Variants in ADAMTS5 observed in about 807,000 individuals in gnomAD.
ADAMTS5 encodes the protein ADAM metallopeptidase with thrombospondin type 1 motif 5, also known as A disintegrin and metalloproteinase with thrombospondin motifs 5.
Under a neutral mutation model 81.4 loss-of-function variants are expected in ADAMTS5, and 54 were observed. That is an observed-to-expected ratio of 0.66 (90% CI 0.53 to 0.83). ADAMTS5 has a LOEUF of 0.83. Ranked by LOEUF, ADAMTS5 falls within the 40% of genes least tolerant of loss-of-function variation. ADAMTS5 has a pLI of 0.00. For missense variants in ADAMTS5, 1,194 were observed against 1,229.9 expected (o/e 0.97, Z 0.44); for synonymous variants, 532 against 508.8 (o/e 1.05, Z -0.61).
chr21:26,962,133 A>G (rs1368317080), intron 1 of ADAMTS5, among the ~76,000 whole-genome samples: 1 of 150,952 alleles, frequency 6.6e-6, no homozygotes, highest in Admixed American at 6.6e-5. Context: ...TGCTTTCATG[A>G]AGGGGTGGAG....
intron 6 of ADAMTS5, among the ~76,000 whole-genome samples, chr21:26,930,299 T>C (rs1431935529): frequency 6.6e-6 from 1 of 152,232 alleles, no homozygotes; most frequent in Non-Finnish European, 1.5e-5. Context: ...CTCTTAACCT[T>C]ACCTCTGAAT....
chr21:26,949,121 A>G (rs1666228198), intron 2 of ADAMTS5, among the ~76,000 whole-genome samples: 1 of 150,708 alleles, frequency 6.6e-6, no homozygotes, highest in Non-Finnish European at 1.5e-5. Context: ...ACTTATGAGT[A>G]TTCTAGTAAT....
chr21:26,946,977 T>C (rs1987227707), intron 2 of ADAMTS5, among the ~76,000 whole-genome samples: 1 of 152,184 alleles, frequency 6.6e-6, no homozygotes, highest in Non-Finnish European at 1.5e-5. Context: ...CTCACTAAAA[T>C]AGGACGTGAA....
At chr21:26,963,272 T>C (rs993332971) in intron 1 of ADAMTS5, among the ~76,000 whole-genome samples, 2 of 151,958 alleles carry the variant, frequency 1.3e-5, no homozygotes, top group African/African-American at 2.4e-5. Context: ...TTTCAGACTT[T>C]GGAAAAATAG....
Position 26,965,724 on chromosome 21 carries a change from G to A in ADAMTS5, c.668C>T (p.Pro223Leu). 6.3e-7 allele frequency: 1 copy of A among 1,589,656 alleles called. No individual in the cohort carries two copies. The highest frequency in any genetic ancestry group is 8.6e-7 in the Non-Finnish European group (1 of 1,169,524). ...ASTPEAHEHA[P>L]AHSNPSGRAA... ...GCGTCCGCTCGGGTTGCTGTGCGCCGGAGCATGCTCGTGGGCCTCCGGTGT... is the reference window on the plus strand; with the variant it reads ...GCGTCCGCTCGGGTTGCTGTGCGCCAGAGCATGCTCGTGGGCCTCCGGTGT... Residue 223 changes from proline (P) to leucine (L), a missense_variant, in exon 1 of 8, where the codon CCG becomes CTG. Physicochemically the swap from Pro to Leu is moderately conservative, Grantham distance 98. Around this residue, in one of 2 missense-constraint regions of ADAMTS5, gnomAD observed 498 missense variants for 412.3 expected, o/e 1.21. Transcript: ENST00000284987.
At chr21:26,925,750 A>C (rs180858309) in intron 7 of ADAMTS5, among the ~76,000 whole-genome samples, 1 of 152,094 alleles carries the variant, frequency 6.6e-6, no homozygotes, top group Admixed American at 6.5e-5. Context: ...TGTTTCCCTT[A>C]CTCCAGAGTT....
At position 26,931,864 on chromosome 21, in the gene ADAMTS5, T is replaced by C. The variant is rs536549894; in HGVS notation, c.2049+140A>G. The C allele has an allele frequency of 8.0e-5, 55 of 688,052 alleles. No individual in the cohort carries two copies. The African/African-American group carries it at 9.8e-4, about 12-fold the overall frequency. The allele number at this position is 688,052 out of a possible 1,614,324, so 42.6% of individuals were successfully genotyped here. On this transcript the variant is annotated intron_variant, in intron 6 of 7. Coordinates refer to ENST00000284987, the MANE Select transcript of ADAMTS5 (RefSeq NM_007038.5). ...GTAAAGTTTGAAAATATAGAAGTTA[T>C]AGAGATGAAAATAAAAACCTTCCAA...
rs780372247 is a variant in ADAMTS5 at position 26,923,233 on chromosome 21, T to C, written c.*820A>G. ...TTTCCAACACAAGGAAACTAGTTTT[T>C]AGACTCTTGAGTATGATCACACACA... On this transcript the variant is annotated 3_prime_UTR_variant, in exon 8 of 8. Coordinates refer to ENST00000284987, the MANE Select transcript of ADAMTS5 (RefSeq NM_007038.5). The C allele has an allele frequency of 2.0e-5, 3 of 152,172 alleles. No homozygotes were observed. Among genetic ancestry groups the C allele is most frequent in the African/African-American group, 4.8e-5 (2 of 41,460 alleles). 9.4% of individuals were successfully genotyped at this position (152,172 alleles called of 1,614,324 possible). A position where few individuals can be genotyped will look rare whatever the true frequency, so the allele number is the denominator to read the frequency against.
intron 2 of ADAMTS5, among the ~76,000 whole-genome samples, chr21:26,945,910 A>T (rs992533624): frequency 6.6e-6 from 1 of 152,206 alleles, no homozygotes; most frequent in African/African-American, 2.4e-5. Context: ...TAAGATCTCC[A>T]AAAGTCAGGC....
intron 2 of ADAMTS5, among the ~76,000 whole-genome samples, chr21:26,950,831 CTA>C (rs747565015): frequency 2.0e-5 from 3 of 151,964 alleles, no homozygotes; most frequent in Non-Finnish European, 2.9e-5. Flanking sequence ...AGCTCTGCCT[CTA>C]TTTACCTTAT....
chr21:26,959,685 A>G (rs1304719145), intron 1 of ADAMTS5, among the ~76,000 whole-genome samples: 1 of 152,224 alleles, frequency 6.6e-6, no homozygotes, highest in Non-Finnish European at 1.5e-5. Flanking sequence ...TGTGAAAGAT[A>G]TTCCAGAAAA....
intron 3 of ADAMTS5, among the ~76,000 whole-genome samples, chr21:26,939,916 G>C (rs150940): frequency 2.6e-5 from 4 of 152,314 alleles, no homozygotes; most frequent in African/African-American, 9.6e-5. Flanking sequence ...GAGGAGGGGG[G>C]TCCCATGAGA....
rs968897674 is a variant in ADAMTS5 at position 26,929,776 on chromosome 21, A to T, written c.2225+110T>A. On this transcript the variant is annotated intron_variant, in intron 7 of 7. Coordinates refer to ENST00000284987, the MANE Select transcript of ADAMTS5 (RefSeq NM_007038.5). ...AAATGTGTTTCTAGAGCCACGTTAG[A>T]CCTCCTCATACAGATAGCTTATGAT... 6 of 1,046,016 alleles carry T rather than the reference A, an allele frequency of 5.7e-6. No individual in the cohort carries two copies. The African/African-American group carries it at 8.0e-5, about 14-fold the overall frequency. 64.8% of individuals were successfully genotyped at this position (1,046,016 alleles called of 1,614,324 possible). A position where few individuals can be genotyped will look rare whatever the true frequency, so the allele number is the denominator to read the frequency against.
Position 26,924,495 on chromosome 21 carries a change from T to TA in ADAMTS5, c.2350dup (p.Tyr784LeufsTer17). ...GATCATGTACTTTCCATTGATAAGGTACTCACCGTTTTTCTTTTTCAGGGC... is the reference window on the plus strand; with the variant it reads ...GATCATGTACTTTCCATTGATAAGGTAACTCACCGTTTTTCTTTTTCAGGGC... On this transcript the variant is annotated frameshift_variant, in exon 8 of 8. Coordinates refer to ENST00000284987, the MANE Select transcript of ADAMTS5 (RefSeq NM_007038.5). LOFTEE classifies it high-confidence loss of function. 6.2e-7 allele frequency: 1 copy of TA among 1,614,196 alleles called. No individual in the cohort carries two copies. Among genetic ancestry groups the TA allele is most frequent in the Non-Finnish European group, 8.5e-7 (1 of 1,180,030 alleles).
intron 3 of ADAMTS5, among the ~76,000 whole-genome samples, chr21:26,935,342 A>G (rs1344167466): frequency 1.3e-5 from 2 of 152,296 alleles, no homozygotes; most frequent in Non-Finnish European, 2.9e-5. Context: ...TGTTCTAGAA[A>G]ACACACTAGG....
intron 2 of ADAMTS5, among the ~76,000 whole-genome samples, chr21:26,943,847 G>A (rs931862011): frequency 5.9e-5 from 9 of 152,134 alleles, no homozygotes; most frequent in African/African-American, 1.2e-4. Flanking sequence ...AGAATCTAGA[G>A]TTTGCGAGAC....
chr21:26,943,263 A>G (rs1009777164), intron 3 of ADAMTS5, 117 bp downstream of exon 3: 5 of 1,044,910 alleles, frequency 4.8e-6, no homozygotes, highest in Admixed American at 2.9e-5. Context: ...TTCTGACACT[A>G]TCCACACAAC....
chr21:26,965,888 CA>C lies in ADAMTS5; in HGVS notation c.503del (p.Leu168ArgfsTer125). 1 of 1,613,936 alleles carries C rather than the reference CA, an allele frequency of 6.2e-7. No individual in the cohort carries two copies. Among genetic ancestry groups the C allele is most frequent in the Non-Finnish European group, 8.5e-7 (1 of 1,179,944 alleles). On this transcript the variant is annotated frameshift_variant, in exon 1 of 8. Transcript: ENST00000284987. LOFTEE classifies it high-confidence loss of function. ...CTTCCTCCGCCCAGGGTCCGCGCAG[CA>C]GTGGCTTTAGGGTGTAGCGCGCGTG... ...VKHARYTLKP[L>X]LRGPWAEEEK...
intron 4 of ADAMTS5, among the ~76,000 whole-genome samples, chr21:26,933,655 G>C (rs982107897): frequency 8.5e-5 from 13 of 152,216 alleles, no homozygotes; most frequent in African/African-American, 3.1e-4. Flanking sequence ...GGAAGGAAGA[G>C]CCCTTTTATG....
Sources: allele counts gnomAD v4.1 joint callset (sites outside exome capture counted in the v4.1 genomes callset), GRCh38; gene constraint gnomAD v4.1.1; regional missense constraint gnomAD v4.1.1; transcripts MANE v1.5; gene names NCBI Gene and HGNC (gene_info 2026-07-23, HGNC 2026-07-21).